The following CPLX1 variants were observed in gnomAD, a reference collection of about 807,000 sequenced individuals.
The protein encoded by CPLX1 is complexin-1.
A neutral mutation model predicts 15.6 loss-of-function variants in CPLX1; 6 were observed. That is an observed-to-expected ratio of 0.39 (90% CI 0.21 to 0.76). The LOEUF (loss-of-function observed/expected upper bound fraction) is 0.76. CPLX1 is among the 30% of genes least tolerant of loss of function. The pLI is 0.43. For synonymous variants in CPLX1, 91 were observed against 75.2 expected, an observed-to-expected ratio of 1.21 and a Z score of -1.08; for missense variants, 242 against 188.6, an observed-to-expected ratio of 1.28 and a Z score of -1.66.
chr4:788,372 A>G (rs995382599), intron 3 of CPLX1: 1 of 984,614 alleles, frequency 1.0e-6, no homozygotes, highest in Non-Finnish European at 1.2e-6. Context: ...AGTGAGATGG[A>G]AAGGAGGGCG....
chr4:795,890 G>T (rs1400829546), intron 2 of CPLX1, among the ~76,000 whole-genome samples: 1 of 152,184 alleles, frequency 6.6e-6, no homozygotes, highest in Admixed American at 6.5e-5. Context: ...GGTAGCAGAA[G>T]GGGCAGAAGC....
intron 2 of CPLX1, among the ~76,000 whole-genome samples, chr4:821,776 C>T (rs951172633): frequency 1.3e-5 from 2 of 152,186 alleles, no homozygotes; most frequent in Admixed American, 6.5e-5. Flanking sequence ...CACCATGCTC[C>T]CTTCCCTTGG....
chr4:815,002 C>T (rs1306047812), intron 2 of CPLX1, among the ~76,000 whole-genome samples: 1 of 152,172 alleles, frequency 6.6e-6, no homozygotes, highest in East Asian at 1.9e-4. Context: ...TCAGAGACAA[C>T]ACAGAGAACA....
chr4:812,750 G>A (rs1030805488), intron 2 of CPLX1, among the ~76,000 whole-genome samples: 15 of 151,800 alleles, frequency 9.9e-5, no homozygotes, highest in South Asian at 2.1e-4. Flanking sequence ...CTAACGCTGC[G>A]TGTCCTAACG....
chr4:814,845 G>A (rs1177045113), intron 2 of CPLX1, among the ~76,000 whole-genome samples: 2 of 152,178 alleles, frequency 1.3e-5, no homozygotes, highest in Non-Finnish European at 2.9e-5. Context: ...CCATGGGTCG[G>A]GTAACTAGCG....
In CPLX1 at chr4:824,594, T is replaced by C; in HGVS notation, c.-72A>G. 6.5e-7 allele frequency: 1 copy of C among 1,538,856 alleles called. No individual in the cohort carries two copies. Among genetic ancestry groups the C allele is most frequent in the South Asian group, 1.1e-5 (1 of 89,648 alleles). On this transcript the variant is annotated 5_prime_UTR_variant, in exon 2 of 4. Transcript: ENST00000304062. ...ACACGCAAGTATGGCCGGGAGCGAG[T>C]GTTCTTCCTGGGGGAGAGTGAAGTG...
Position 785,445 on chromosome 4 carries a change from G to C in CPLX1, c.*1056C>G, listed in dbSNP as rs1745951653. The C allele has an allele frequency of 6.6e-6, 1 of 152,642 alleles. No individual in the cohort carries two copies. The highest frequency in any genetic ancestry group is 2.4e-5 in the African/African-American group (1 of 41,468). 9.5% of individuals were successfully genotyped at this position (152,642 alleles called of 1,614,324 possible). On this transcript the variant is annotated 3_prime_UTR_variant, in exon 4 of 4. Transcript: ENST00000304062. ...TTTTGATGTGGACGAAAGGGCCCGG[G>C]GGCGAGGCGGCGCCTGTCAAGATAA...
At chr4:809,311 G>C (rs775168616) in intron 2 of CPLX1, among the ~76,000 whole-genome samples, 1 of 152,202 alleles carries the variant, frequency 6.6e-6, no homozygotes, top group Non-Finnish European at 1.5e-5. Context: ...AGGAGTGCAC[G>C]GGGTGGGGCC....
chr4:787,131 C>A (rs1462932511), intron 3 of CPLX1: 1 of 985,320 alleles, frequency 1.0e-6, no homozygotes, highest in African/African-American at 1.7e-5. Flanking sequence ...GCCTGGTCCA[C>A]GACCTGCATT....
At chr4:812,796 GC>G (rs1429786407) in intron 2 of CPLX1, among the ~76,000 whole-genome samples, 1 of 151,878 alleles carries the variant, frequency 6.6e-6, no homozygotes, top group Admixed American at 6.6e-5. Flanking sequence ...TAATGCTAAC[GC>G]CCGGTGTCCT....
intron 3 of CPLX1, chr4:788,552 A>G (rs1746071155): frequency 1.0e-6 from 1 of 985,470 alleles, no homozygotes; most frequent in Non-Finnish European, 1.2e-6. Flanking sequence ...TCCGCACAAC[A>G]GGGGCGACAC....
chr4:790,276 C>T (rs1746131182), intron 3 of CPLX1, among the ~76,000 whole-genome samples: 1 of 152,220 alleles, frequency 6.6e-6, no homozygotes, highest in Non-Finnish European at 1.5e-5. Context: ...AGTGTGTGGC[C>T]TCAATCCCTG....
intron 2 of CPLX1, among the ~76,000 whole-genome samples, chr4:812,643 A>G (rs1746684465): frequency 1.3e-5 from 2 of 152,284 alleles, no homozygotes; most frequent in East Asian, 3.9e-4. Context: ...TTTCTAAGTG[A>G]CTTGACCATA....
Position 792,417 on chromosome 4 carries a change from C to A in CPLX1, c.207+16G>T, listed in dbSNP as rs1443783881. ...CAGGGCCGCCTTCCCGCAGGCGGGGCCGGCCCGGCGCGCACCTTGTCTCGG... is the reference window on the plus strand; with the variant it reads ...CAGGGCCGCCTTCCCGCAGGCGGGGACGGCCCGGCGCGCACCTTGTCTCGG... On this transcript the variant is annotated intron_variant, in intron 3 of 3. Transcript: ENST00000304062. 13 of 1,515,970 alleles carry A rather than the reference C, an allele frequency of 8.6e-6. No individual in the cohort carries two copies. Among genetic ancestry groups the A allele is most frequent in the Admixed American group, 2.0e-5 (1 of 48,966 alleles). The allele number at this position is 1,515,970 out of a possible 1,614,324, so 93.9% of individuals were successfully genotyped here.
At chr4:795,913 T>C (rs1746325900) in intron 2 of CPLX1, among the ~76,000 whole-genome samples, 1 of 151,952 alleles carries the variant, frequency 6.6e-6, no homozygotes, top group East Asian at 1.9e-4. Flanking sequence ...AGACGTTTCC[T>C]CTGCAGACAT....
intron 3 of CPLX1, among the ~76,000 whole-genome samples, chr4:791,260 A>G (rs1746166697): frequency 6.6e-6 from 1 of 151,536 alleles, no homozygotes; most frequent in Non-Finnish European, 1.5e-5. Context: ...AGATCCCTGG[A>G]AACGTCCAGT....
At chr4:821,668 C>T (rs925909105) in intron 2 of CPLX1, among the ~76,000 whole-genome samples, 2 of 152,170 alleles carry the variant, frequency 1.3e-5, no homozygotes, top group Non-Finnish European at 2.9e-5. Context: ...ACCCTGGATC[C>T]GGACCCACGT....
intron 2 of CPLX1, among the ~76,000 whole-genome samples, chr4:804,333 C>A (rs1398562813): frequency 3.3e-5 from 5 of 152,196 alleles, no homozygotes; most frequent in African/African-American, 4.8e-5. Flanking sequence ...GGCAGCATGG[C>A]TAAATACAAT....
intron 3 of CPLX1, among the ~76,000 whole-genome samples, chr4:789,680 G>A (rs1005340064): frequency 6.6e-6 from 1 of 152,184 alleles, no homozygotes; most frequent in East Asian, 1.9e-4. Flanking sequence ...CCCTGGGCCC[G>A]GGCCTGTCCA....
Sources: allele counts gnomAD v4.1 joint callset (sites outside exome capture counted in the v4.1 genomes callset), GRCh38; gene constraint gnomAD v4.1.1; transcripts MANE v1.5; gene names NCBI Gene and HGNC (gene_info 2026-07-23, HGNC 2026-07-21).